EYS: variants seen among roughly 807,000 people sequenced by gnomAD.
The protein encoded by EYS is protein eyes shut homolog.
EYS carries 250 observed loss-of-function variants against 282.1 expected under a neutral mutation model. That is an observed-to-expected ratio of 0.89 (90% confidence interval 0.80 to 0.98). The LOEUF is 0.98. EYS is among the 50% of genes least tolerant of loss of function. The pLI, the probability that EYS is intolerant of heterozygous loss-of-function variation, is 0.00. For missense variants in EYS, 4,016 were observed against 3,709.0 expected (o/e 1.08, Z -2.15); for synonymous variants, 1,355 against 1,282.9 (o/e 1.06, Z -1.20).
intron 1 of EYS, among the ~76,000 whole-genome samples, chr6:65,648,471 C>T (rs900963032): frequency 1.3e-5 from 2 of 152,016 alleles, no homozygotes; most frequent in African/African-American, 2.4e-5. Flanking sequence ...AGCCAAACAT[C>T]GTATGTTCTC....
chr6:64,267,026 A>G (rs923774690), intron 30 of EYS, among the ~76,000 whole-genome samples: 3 of 152,200 alleles, frequency 2.0e-5, no homozygotes, highest in African/African-American at 7.2e-5. Flanking sequence ...TGCTTTAAAT[A>G]TTCAACTTTC....
At chr6:65,084,671 A>G (rs1262624386) in intron 12 of EYS, among the ~76,000 whole-genome samples, 3 of 152,134 alleles carry the variant, frequency 2.0e-5, no homozygotes, top group African/African-American at 7.2e-5. Context: ...ACTTCCCTAC[A>G]ATCATCTACA....
At chr6:65,263,885 G>T (rs991534115) in intron 12 of EYS, among the ~76,000 whole-genome samples, 1 of 151,858 alleles carries the variant, frequency 6.6e-6, no homozygotes, top group Non-Finnish European at 1.5e-5. Context: ...GAACTCCAGC[G>T]TGGGCAACAC....
intron 12 of EYS, among the ~76,000 whole-genome samples, chr6:65,121,500 G>A (rs1299679399): frequency 6.7e-6 from 1 of 149,406 alleles, no homozygotes; most frequent in Non-Finnish European, 1.5e-5. Flanking sequence ...GTTTTCATGA[G>A]TGTCTTATTG....
chr6:65,419,722 T>C (rs1767380912), intron 5 of EYS, among the ~76,000 whole-genome samples: 1 of 151,914 alleles, frequency 6.6e-6, no homozygotes, highest in African/African-American at 2.4e-5. Context: ...TTATTAACAT[T>C]ATATTTTAAA....
chr6:65,617,753 C>A (rs10944817), intron 2 of EYS, among the ~76,000 whole-genome samples: 51,110 of 141,930 alleles, frequency 0.36, 11,157 homozygotes, highest in Non-Finnish European at 0.49. Flanking sequence ...CTTCCTGTGT[C>A]CATGTGTTCT....
In EYS at chr6:64,805,190, C is replaced by A. The variant is rs148567138; in HGVS notation, c.3443+8188G>T. On this transcript the variant is annotated intron_variant, in intron 22 of 42. Transcript: ENST00000503581. ...ATGTAAATTCACTTGGTGAATTAAA[C>A]GAGTAGTCTCATTTTATTTTCTACA... Among the ~76,000 whole-genome samples the A allele has an allele frequency of 2.0e-3, 311 of 152,002 alleles. 2 individuals are homozygous for A. The highest frequency in any genetic ancestry group is 6.9e-3 in the African/African-American group (287 of 41,534).
At chr6:64,805,825 A>T (rs1045415954) in intron 22 of EYS, among the ~76,000 whole-genome samples, 1 of 151,538 alleles carries the variant, frequency 6.6e-6, no homozygotes, top group Admixed American at 6.6e-5. Flanking sequence ...CATAATTTTT[A>T]AAAATCCCAA....
chr6:65,371,572 C>A (rs1765139647), intron 8 of EYS, among the ~76,000 whole-genome samples: 1 of 151,756 alleles, frequency 6.6e-6, no homozygotes, highest in South Asian at 2.1e-4. Context: ...ATGGGAACTT[C>A]CAGGATGATA....
At chr6:65,238,642 T>C (rs1562042853) in intron 12 of EYS, among the ~76,000 whole-genome samples, 1 of 152,038 alleles carries the variant, frequency 6.6e-6, no homozygotes, top group Non-Finnish European at 1.5e-5. Flanking sequence ...GTTATTGCTA[T>C]TATGACTAAC....
intron 40 of EYS, among the ~76,000 whole-genome samples, chr6:63,767,520 C>G (rs879645094): frequency 6.6e-6 from 1 of 151,782 alleles, no homozygotes; most frequent in African/African-American, 2.4e-5. Flanking sequence ...AATACGGAAC[C>G]AAGGAGGTGA....
intron 33 of EYS, among the ~76,000 whole-genome samples, chr6:64,032,467 C>T (rs1043756146): frequency 2.0e-5 from 3 of 152,198 alleles, no homozygotes; most frequent in Non-Finnish European, 4.4e-5. Context: ...TGTGGGTTTT[C>T]TATACCACGT....
chr6:63,821,965 A>G (rs908689737), intron 36 of EYS: 3 of 152,226 alleles, frequency 2.0e-5, no homozygotes, highest in Admixed American at 6.5e-5. Context: ...GAAGAAAGAA[A>G]TCTCCTGTCC....
At chr6:65,574,784 A>G (rs754964168) in intron 2 of EYS, among the ~76,000 whole-genome samples, 13 of 152,136 alleles carry the variant, frequency 8.5e-5, no homozygotes, top group Non-Finnish European at 1.6e-4. Context: ...AGACATATAC[A>G]GAACATTTTA....
At chr6:64,139,582 A>C (rs1388104271) in intron 31 of EYS, among the ~76,000 whole-genome samples, 2 of 152,200 alleles carry the variant, frequency 1.3e-5, no homozygotes, top group Admixed American at 6.5e-5. Flanking sequence ...TTTGTCACTG[A>C]AGTCTAATGT....
At chr6:65,209,997 T>C (rs1223516905) in intron 12 of EYS, among the ~76,000 whole-genome samples, 1 of 151,916 alleles carries the variant, frequency 6.6e-6, no homozygotes, top group Non-Finnish European at 1.5e-5. Flanking sequence ...TGGGAAGTAA[T>C]GAAAACATGT....
At chr6:65,600,469 T>C (rs1765577549) in intron 2 of EYS, among the ~76,000 whole-genome samples, 1 of 152,016 alleles carries the variant, frequency 6.6e-6, no homozygotes, top group Admixed American at 6.6e-5. Flanking sequence ...AAATGTCAAC[T>C]ATTAAGTATT....
chr6:65,532,337 T>C (rs142851915), intron 2 of EYS, among the ~76,000 whole-genome samples: 7 of 152,294 alleles, frequency 4.6e-5, no homozygotes, highest in Non-Finnish European at 1.0e-4. Flanking sequence ...TCTCAAGTCA[T>C]AATATTTTTC....
chr6:65,476,186 C>T (rs1430072677), intron 5 of EYS, among the ~76,000 whole-genome samples: 2 of 152,122 alleles, frequency 1.3e-5, no homozygotes, highest in Admixed American at 6.6e-5. Context: ...AAATGGTGGC[C>T]TCATCTACCA....
Sources: allele counts gnomAD v4.1 joint callset (sites outside exome capture counted in the v4.1 genomes callset), GRCh38; gene constraint gnomAD v4.1.1; transcripts MANE v1.5; gene names NCBI Gene and HGNC (gene_info 2026-07-23, HGNC 2026-07-21).